CAST: variants seen among roughly 807,000 people sequenced by gnomAD.
CAST encodes the protein calpastatin.
In CAST, 76 loss-of-function variants were observed where a neutral mutation model predicts 119.6. The ratio of observed to expected loss-of-function variants is 0.64; its 90% confidence interval spans 0.53 to 0.77. CAST has a LOEUF of 0.77. CAST is among the 30% of genes least tolerant of loss of function. CAST has a pLI of 0.00. For synonymous variants in CAST, 319 were observed against 331.6 expected, an observed-to-expected ratio of 0.96 and a Z score of 0.41; for missense variants, 953 against 946.5, an observed-to-expected ratio of 1.01 and a Z score of -0.09.
chr5:96,298,696 A>G, the CAST span, among the ~76,000 whole-genome samples: 18 of 152,194 alleles, frequency 1.2e-4, no homozygotes, highest in Non-Finnish European at 2.2e-4. Flanking sequence ...ACCACTAACT[A>G]TGGGTTAAGA....
At chr5:96,668,229 A>G (rs1229112249) in intron 1 of CAST, among the ~76,000 whole-genome samples, 2 of 152,154 alleles carry the variant, frequency 1.3e-5, no homozygotes, top group South Asian at 2.1e-4. Flanking sequence ...CCTTGTAACC[A>G]AATTGCTGTA....
chr5:96,140,191 T>C, the CAST span, among the ~76,000 whole-genome samples: 2 of 152,326 alleles, frequency 1.3e-5, no homozygotes, highest in Middle Eastern at 3.4e-3. Context: ...TAATTGGGAA[T>C]ATGCTCTTGG....
Position 96,722,699 on chromosome 5 carries a change from G to C in CAST, c.270+1G>C. ...CAGTATGAATCCCACAGAAACCAAG[G>C]TATGAAGAATGCTAATTGAGTGAGT... On this transcript the variant is annotated splice_donor_variant, in intron 4 of 31. Coordinates refer to ENST00000675179, the MANE Select transcript of CAST (RefSeq NM_001750.7). LOFTEE classifies it high-confidence loss of function. The C allele has an allele frequency of 6.2e-7, 1 of 1,607,476 alleles. No homozygotes were observed. The highest frequency in any genetic ancestry group is 8.5e-7 in the Non-Finnish European group (1 of 1,173,908).
intron 2 of CAST, among the ~76,000 whole-genome samples, chr5:96,682,684 T>A (rs1751587013): frequency 6.6e-6 from 1 of 152,186 alleles, no homozygotes; most frequent in Non-Finnish European, 1.5e-5. Context: ...GAGCACATTG[T>A]CCTTAGCCCT....
At chr5:96,062,756 G>T in the CAST span, among the ~76,000 whole-genome samples, 2 of 152,184 alleles carry the variant, frequency 1.3e-5, no homozygotes, top group South Asian at 2.1e-4. Flanking sequence ...TGGCTCACTC[G>T]GGAGTTTCTT....
chr5:96,369,688 T>A, the CAST span, among the ~76,000 whole-genome samples: 1 of 152,186 alleles, frequency 6.6e-6, no homozygotes, highest in Non-Finnish European at 1.5e-5. Context: ...TAAGGAAATG[T>A]GGCTGAGAGT....
intron 1 of CAST, among the ~76,000 whole-genome samples, chr5:96,617,671 A>G (rs901873701): frequency 2.0e-5 from 3 of 151,684 alleles, no homozygotes; most frequent in African/African-American, 7.3e-5. Flanking sequence ...GGGTGCCAGT[A>G]GTCCCAGCTA....
At chr5:96,662,273 G>A (rs1031929009), upstream of CAST, 7 of 982,208 alleles carry the variant, frequency 7.1e-6, no homozygotes, top group African/African-American at 9.0e-5. Flanking sequence ...GCGCAGACCT[G>A]GGGTGGGGTC....
chr5:96,715,427 C>T (rs546870038), intron 3 of CAST, among the ~76,000 whole-genome samples: 1 of 152,296 alleles, frequency 6.6e-6, no homozygotes, highest in African/African-American at 2.4e-5. Flanking sequence ...CAACTTGTTA[C>T]AGCAAAAAGT....
At chr5:96,105,554 T>C in the CAST span, among the ~76,000 whole-genome samples, 1 of 152,212 alleles carries the variant, frequency 6.6e-6, no homozygotes, top group Non-Finnish European at 1.5e-5. Context: ...TTTGCGTATA[T>C]TGAACCAGCC....
chr5:96,517,600 T>G, the CAST span, among the ~76,000 whole-genome samples: 1 of 152,168 alleles, frequency 6.6e-6, no homozygotes, highest in South Asian at 2.1e-4. Context: ...ACGAGTTGTG[T>G]CAGAAGGCTG....
the CAST span, chr5:96,411,063 C>CGACT: frequency 9.9e-7 from 1 of 1,012,270 alleles, no homozygotes; most frequent in Non-Finnish European, 1.6e-6. Context: ...AAATCCCCAA[C>CGACT]GACTACATGT....
intron 1 of CAST, among the ~76,000 whole-genome samples, chr5:96,576,488 G>A (rs1746673165): frequency 6.6e-6 from 1 of 151,866 alleles, no homozygotes; most frequent in Admixed American, 6.6e-5. Flanking sequence ...GGGGTCACAA[G>A]CACACATCAC....
At chr5:96,270,970 A>G in the CAST span, among the ~76,000 whole-genome samples, 1 of 152,082 alleles carries the variant, frequency 6.6e-6, no homozygotes, top group South Asian at 2.1e-4. Context: ...AAAAAGCAGT[A>G]ACATTTTATA....
intron 1 of CAST, among the ~76,000 whole-genome samples, chr5:96,541,198 T>C (rs1390702661): frequency 6.6e-6 from 1 of 152,236 alleles, no homozygotes; most frequent in Non-Finnish European, 1.5e-5. Context: ...GTCTCATGAA[T>C]ATCTATTTTA....
chr5:96,612,650 T>A (rs77084765), intron 1 of CAST, among the ~76,000 whole-genome samples: 2,088 of 152,326 alleles, frequency 0.014, 42 homozygotes, highest in African/African-American at 0.048. Flanking sequence ...TACGTTTTAA[T>A]CTAATCAAAT....
At chr5:96,439,227 A>G in the CAST span, among the ~76,000 whole-genome samples, 12 of 152,178 alleles carry the variant, frequency 7.9e-5, no homozygotes, top group South Asian at 2.1e-4. Flanking sequence ...GATTAAATAT[A>G]TGTGTCTCCT....
intron 1 of CAST, among the ~76,000 whole-genome samples, chr5:96,571,937 G>A (rs907826728): frequency 9.2e-5 from 14 of 152,284 alleles, no homozygotes; most frequent in Middle Eastern, 3.4e-3. Context: ...ATATATTGAT[G>A]TTGAGTGAAT....
At chr5:96,601,510 G>A (rs1304934533) in intron 1 of CAST, among the ~76,000 whole-genome samples, 1 of 152,172 alleles carries the variant, frequency 6.6e-6, no homozygotes, top group Non-Finnish European at 1.5e-5. Flanking sequence ...GGAGATTCAA[G>A]TTGAAAAGAG....
Sources: allele counts gnomAD v4.1 joint callset (sites outside exome capture counted in the v4.1 genomes callset), GRCh38; gene constraint gnomAD v4.1.1; transcripts MANE v1.5; gene names NCBI Gene and HGNC (gene_info 2026-07-23, HGNC 2026-07-21).